BRD4: variants seen among roughly 807,000 people sequenced by gnomAD.
BRD4 encodes the protein bromodomain-containing protein 4.
A neutral mutation model predicts 142.1 loss-of-function variants in BRD4; 16 were observed. The ratio of observed to expected loss-of-function variants is 0.11; its 90% CI spans 0.08 to 0.17. The LOEUF (loss-of-function observed/expected upper bound fraction) is 0.17. BRD4 is among the 10% of genes least tolerant of loss of function. The pLI is 1.00. For missense variants in BRD4, 1,424 were observed against 1,810.9 expected, an observed-to-expected ratio of 0.79 and a Z score of 3.88; for synonymous variants, 833 against 707.5, an observed-to-expected ratio of 1.18 and a Z score of -2.82.
At position 15,272,832 on chromosome 19, in the gene BRD4, C is replaced by T. The variant is rs201971332; in HGVS notation, c.268G>A (p.Val90Ile). 61 of 1,613,740 alleles carry T rather than the reference C, an allele frequency of 3.8e-5. No homozygotes were observed. The highest frequency in any genetic ancestry group is 4.8e-5 in the Non-Finnish European group (57 of 1,179,858). Residue 90 changes from valine (V) to isoleucine (I), a missense_variant, in exon 2 of 20, where the codon GTC (valine) becomes ATC (isoleucine). Val to Ile is a conservative substitution (Grantham distance 29). Coordinates refer to ENST00000679869, the MANE Select transcript of BRD4 (RefSeq NM_001379291.1). The stretch of plus-strand genomic sequence containing the variant: ...CTACTCACAGGGAGGTTCAGCTTGA[C>T]GGCATCCACAGGCTGCTGGAAAGGC... ...AWPFQQPVDA[V>I]KLNLPDYYKI...
Position 15,264,503 on chromosome 19 carries a change from G to C in BRD4, c.1113C>G (p.Ala371=). The change falls in exon 6 of 20, where the codon GCC becomes GCG. Residue 371 remains alanine (A), a synonymous_variant. Coordinates refer to ENST00000679869, the MANE Select transcript of BRD4 (RefSeq NM_001379291.1). Reference sequence around the variant, plus strand: ...CAGGCTTGTAGAAGGGCCAGGCGTAGGCGGCGTGCTTCTTGGCAAACATCT... The same window carrying C: ...CAGGCTTGTAGAAGGGCCAGGCGTACGCGGCGTGCTTCTTGGCAAACATCT... ...LKEMFAKKHA[A]YAWPFYKPVD... 4 of 1,613,708 alleles carry C rather than the reference G, an allele frequency of 2.5e-6. No homozygotes were observed. The highest frequency in any genetic ancestry group is 3.4e-6 in the Non-Finnish European group (4 of 1,179,930).
intron 2 of BRD4, among the ~76,000 whole-genome samples, chr19:15,272,535 G>T (rs928777012): frequency 2.0e-5 from 3 of 152,250 alleles, no homozygotes; most frequent in East Asian, 1.9e-4. Flanking sequence ...ACTGGAAGTA[G>T]ATCTGTGGGC....
rs774749936 is a variant in BRD4, at chr19:15,239,611, G to A, written c.3445+48C>T. 19 of 1,554,818 alleles carry A rather than the reference G, an allele frequency of 1.2e-5. No homozygotes were observed. Among genetic ancestry groups the A allele is most frequent in the South Asian group, 4.8e-5 (4 of 83,120 alleles). ...CCCACAGCAAGCTTATGTCCAACACGGGCCTCGGGGGGCCTGAGCCCTGGC... is the reference window on the plus strand; with the variant it reads ...CCCACAGCAAGCTTATGTCCAACACAGGCCTCGGGGGGCCTGAGCCCTGGC... On this transcript the variant is annotated intron_variant, in intron 16 of 19. Coordinates refer to ENST00000679869, the MANE Select transcript of BRD4 (RefSeq NM_001379291.1). The surrounding 1 kb of genome is among the most constrained non-coding windows in gnomAD (Gnocchi z 7.4).
Position 15,237,170 on chromosome 19 carries a change from CAAA to C in BRD4, c.*1204_*1206del, listed in dbSNP as rs1173280748. 1 of 168,568 alleles carries C rather than the reference CAAA, an allele frequency of 5.9e-6. No individual in the cohort carries two copies. Among genetic ancestry groups the C allele is most frequent in the Non-Finnish European group, 1.1e-5 (1 of 87,756 alleles). The allele number at this position is 168,568 out of a possible 1,614,324, so 10.4% of individuals were successfully genotyped here. On this transcript the variant is annotated 3_prime_UTR_variant, in exon 20 of 20. Coordinates refer to ENST00000679869, the MANE Select transcript of BRD4 (RefSeq NM_001379291.1). ...TTCCTTTCTCAGTAAAAAACAAAAA[CAAA>C]AACAAAAACCAAAACCAAAAAAACC...
chr19:15,331,874 C>CCTT (rs1286117314), intron 1 of BRD4: 1 of 145,124 alleles, frequency 6.9e-6, no homozygotes, highest in African/African-American at 2.5e-5. Flanking sequence ...GCGGCCGCTT[C>CCTT]CTCCTCCTCC....
chr19:15,247,518 TGGA>T (rs963249497), intron 11 of BRD4: 3 of 233,066 alleles, frequency 1.3e-5, no homozygotes, highest in African/African-American at 6.6e-5. Flanking sequence ...GAAAGGACCC[TGGA>T]GGAGAGCTGG....
Position 15,287,678 on chromosome 19 carries a change from C to T in BRD4, c.-34-14545G>A, listed in dbSNP as rs542424244. 3.3e-5 allele frequency among the ~76,000 whole-genome samples: 5 copies of T among 152,156 alleles called. No homozygotes were observed. In the South Asian group the frequency reaches 8.3e-4, roughly 25 times the overall value. On this transcript the variant is annotated intron_variant, in intron 1 of 19. Coordinates refer to ENST00000679869, the MANE Select transcript of BRD4 (RefSeq NM_001379291.1). ...GGAAGTGACTCCTATAGGTACCCAG[C>T]GTGAGTGAAACCACAAAGTATTTGT...
rs1376754360 is a variant in BRD4, at chr19:15,244,512, G to A, written c.2300C>T (p.Pro767Leu). 1 of 1,545,410 alleles carries A rather than the reference G, an allele frequency of 6.5e-7. No individual in the cohort carries two copies. The highest frequency in any genetic ancestry group is 1.2e-5 in the South Asian group (1 of 85,904). ...PPPPPQQPPP[P>L]PPPQQQQQPP... ...CTGCTGTTGCTGCTGCGGAGGTGGAGGCGGTGGGGGCTGCTGGGGAGGCGG... is the reference window on the plus strand; with the variant it reads ...CTGCTGTTGCTGCTGCGGAGGTGGAAGCGGTGGGGGCTGCTGGGGAGGCGG... Residue 767 changes from proline (P) to leucine (L), a missense_variant, in exon 13 of 20, where the codon CCT becomes CTT. Transcript: ENST00000679869.
At chr19:15,274,159 T>C (rs116857938) in intron 1 of BRD4, among the ~76,000 whole-genome samples, 1,695 of 152,278 alleles carry the variant, frequency 0.011, 15 homozygotes, top group Middle Eastern at 0.024. Flanking sequence ...GCTGGGAACC[T>C]TGGGTCCAGT....
Position 15,257,074 on chromosome 19 carries a change from CCACAACCTTGGTGGGAGGGGG to C in BRD4, c.1420_1440del (p.Pro474_Val480del), listed in dbSNP as rs1406509488. 1 of 1,605,958 alleles carries C rather than the reference CCACAACCTTGGTGGGAGGGGG, an allele frequency of 6.2e-7. No individual in the cohort carries two copies. The highest frequency in any genetic ancestry group is 1.3e-5 in the African/African-American group (1 of 75,022). The stretch of plus-strand genomic sequence containing the variant: ...CTGCTGTCGCTGGATGAGGGCGGGG[CCACAACCTTGGTGGGAGGGGG>C]CACTGCCGGGGAGGACACGGCCACC... On this transcript the variant is annotated inframe_deletion, in exon 8 of 20. Coordinates refer to ENST00000679869, the MANE Select transcript of BRD4 (RefSeq NM_001379291.1).
chr19:15,325,716 A>C (rs1176044433), intron 1 of BRD4, among the ~76,000 whole-genome samples: 3 of 152,034 alleles, frequency 2.0e-5, no homozygotes, highest in Admixed American at 1.3e-4. Context: ...AAAAGAGAAA[A>C]CACCAGATGA....
At chr19:15,313,396 C>G (rs1387761380) in intron 1 of BRD4, among the ~76,000 whole-genome samples, 1 of 130,954 alleles carries the variant, frequency 7.6e-6, no homozygotes, top group Non-Finnish European at 1.6e-5. Context: ...AAAAAAAGGC[C>G]GAGCGGTGGC....
At chr19:15,320,209 A>G (rs1283400112) in intron 1 of BRD4, among the ~76,000 whole-genome samples, 2 of 152,206 alleles carry the variant, frequency 1.3e-5, no homozygotes, top group Admixed American at 1.3e-4. Flanking sequence ...GTGTCTCCTA[A>G]AGGAATAATA....
chr19:15,274,156 A>G (rs2047621102), intron 1 of BRD4, among the ~76,000 whole-genome samples: 1 of 152,196 alleles, frequency 6.6e-6, no homozygotes, highest in Non-Finnish European at 1.5e-5. Flanking sequence ...CTTGCTGGGA[A>G]CCTTGGGTCC....
At position 15,308,533 on chromosome 19, in the gene BRD4, G is replaced by A. The variant is rs1197703490; in HGVS notation, c.-35+23757C>T. 2.6e-5 allele frequency among the ~76,000 whole-genome samples: 4 copies of A among 151,412 alleles called. No homozygotes were observed. In the East Asian group the frequency reaches 7.8e-4, roughly 30 times the overall value. On this transcript the variant is annotated intron_variant, in intron 1 of 19. Coordinates refer to ENST00000679869, the MANE Select transcript of BRD4 (RefSeq NM_001379291.1). ...ACCCAGGAAGCGGACGTTGCAGTGA[G>A]CCAAGATTGCGCCACTGCACTCCCG...
chr19:15,249,439 G>A (rs2145540119), intron 11 of BRD4: 1 of 1,428,204 alleles, frequency 7.0e-7, no homozygotes. Context: ...CTGGAGCCCT[G>A]CCCCGTGCCT....
chr19:15,308,177 T>G (rs1236119936), intron 1 of BRD4, among the ~76,000 whole-genome samples: 78 of 8,420 alleles, frequency 9.3e-3, no homozygotes, highest in Admixed American at 0.015. Flanking sequence ...GGTCGCGTAG[T>G]GAAGAAAAAA....
In BRD4 at chr19:15,244,612, G is replaced by GAGAC. The variant is rs753440544; in HGVS notation, c.2212-16_2212-13dup. 3.5e-5 allele frequency: 56 copies of GAGAC among 1,613,184 alleles called. No individual in the cohort carries two copies. In the East Asian group the frequency reaches 4.9e-4, roughly 14 times the overall value. Reference sequence around the variant, plus strand: ...TGGTGATGATGGTGCTGCAGACAGAGAGACAGACAGACAGACAGGCTGATG... The same window carrying GAGAC: ...TGGTGATGATGGTGCTGCAGACAGAGAGACAGACAGACAGACAGACAGGCTGATG... On this transcript the variant is annotated splice_polypyrimidine_tract_variant and intron_variant, in intron 12 of 19. Transcript: ENST00000679869.
chr19:15,290,949 T>C (rs1279118315), intron 1 of BRD4, among the ~76,000 whole-genome samples: 1 of 152,212 alleles, frequency 6.6e-6, no homozygotes, highest in Non-Finnish European at 1.5e-5. Context: ...AAAACTCTAT[T>C]GCATTAAAGA....
Sources: allele counts gnomAD v4.1 joint callset (sites outside exome capture counted in the v4.1 genomes callset), GRCh38; gene constraint gnomAD v4.1.1; non-coding constraint Gnocchi (gnomAD v3.1); transcripts MANE v1.5; gene names NCBI Gene and HGNC (gene_info 2026-07-23, HGNC 2026-07-21).